Variants in LIMK2 observed in about 807,000 individuals in gnomAD.
LIMK2 encodes the protein LIM domain kinase 2.
Under a neutral mutation model 75.7 loss-of-function variants are expected in LIMK2, and 35 were observed. That is an observed-to-expected ratio of 0.46 (90% CI 0.35 to 0.61). LIMK2 has a LOEUF of 0.61. Among genes scored for constraint, LIMK2 ranks in the 20% least tolerant of loss-of-function variants. LIMK2 has a pLI of 0.00. For synonymous variants in LIMK2, 301 were observed against 319.2 expected, an observed-to-expected ratio of 0.94 and a Z score of 0.61; for missense variants, 623 against 831.0, an observed-to-expected ratio of 0.75 and a Z score of 3.08.
At chr22:31,229,923 T>G (rs1157606944) in intron 2 of LIMK2, 1 of 152,252 alleles carries the variant, frequency 6.6e-6, no homozygotes, top group Non-Finnish European at 1.5e-5. Context: ...GTAATTGTGC[T>G]GGTGCGATTA....
In LIMK2 at chr22:31,267,893, T is replaced by C. The variant is rs1178302472; in HGVS notation, c.1246T>C (p.Phe416Leu). 3 of 1,603,002 alleles carry C rather than the reference T, an allele frequency of 1.9e-6. No individual in the cohort carries two copies. Among genetic ancestry groups the C allele is most frequent in the East Asian group, 4.5e-5 (2 of 44,856 alleles). Residue 416 changes from phenylalanine to leucine, a missense_variant, in exon 10 of 16, where the codon TTT becomes CTT. Coordinates refer to ENST00000331728, the MANE Select transcript of LIMK2 (RefSeq NM_005569.4). ...CATTGAGGGGGGCACACTGAAGGAC[T>C]TTCTGCGCAGTATGGTGAGCACACC... ...EYIEGGTLKD[F>L]LRSMDPFPWQ...
In LIMK2 at chr22:31,275,246, A is replaced by C. The variant is rs546325857; in HGVS notation, c.1710A>C (p.Thr570=). ...TTTTCTGGGAGAAGTTTGTTCCCAC[A>C]GATTGTCCCCCGGCCTTCTTCCCGC... ...VKLFWEKFVP[T]DCPPAFFPLA... The change falls in exon 15 of 16, where the codon ACA becomes ACC. Residue 570 remains threonine (T), a synonymous_variant. Transcript: ENST00000331728. 1.2e-6 allele frequency: 2 copies of C among 1,614,236 alleles called. No individual in the cohort carries two copies. Among genetic ancestry groups the C allele is most frequent in the South Asian group, 2.2e-5 (2 of 91,086 alleles).
chr22:31,234,370 G>A (rs1168937922), intron 2 of LIMK2, among the ~76,000 whole-genome samples: 2 of 150,686 alleles, frequency 1.3e-5, no homozygotes, highest in East Asian at 4.0e-4. Context: ...GTCACTCTGT[G>A]TTGTCTCTCC....
At chr22:31,226,264 G>A (rs367586313) in intron 2 of LIMK2, among the ~76,000 whole-genome samples, 1 of 151,828 alleles carries the variant, frequency 6.6e-6, no homozygotes, top group Non-Finnish European at 1.5e-5. Flanking sequence ...GTGCAGTGGT[G>A]CAATCTCGGC....
chr22:31,222,372 CTTTTT>C (rs3068235), intron 1 of LIMK2, among the ~76,000 whole-genome samples: 22 of 55,198 alleles, frequency 4.0e-4, no homozygotes, highest in Non-Finnish European at 2.6e-4. Flanking sequence ...TGCCCAGCCT[CTTTTT>C]TTTTTTTTTT....
intron 2 of LIMK2, among the ~76,000 whole-genome samples, chr22:31,232,527 T>C (rs2048538076): frequency 6.6e-6 from 1 of 152,200 alleles, no homozygotes; most frequent in African/African-American, 2.4e-5. Flanking sequence ...CAAGCGTCAT[T>C]TGCTATATAT....
At chr22:31,217,077 G>A (rs2048394423) in intron 1 of LIMK2, among the ~76,000 whole-genome samples, 1 of 151,970 alleles carries the variant, frequency 6.6e-6, no homozygotes, top group African/African-American at 2.4e-5. Flanking sequence ...AATTTGTTTT[G>A]TCCAGGAAAG....
chr22:31,213,244 TGCAG>T, intron 1 of LIMK2, among the ~76,000 whole-genome samples: 1 of 152,152 alleles, frequency 6.6e-6, no homozygotes, highest in African/African-American at 2.4e-5. Context: ...TAGTTGCACC[TGCAG>T]TCACCTCCCC....
At position 31,225,727 on chromosome 22, in the gene LIMK2, T is replaced by A. The variant is rs148900540; in HGVS notation, c.24T>A (p.Asp8Glu). ...TCTTGGTTTTGTGTGCAGGTGAAGA[T>A]GTCTGGAGGTGTCCAGGCTGTGGGG... MSALAGE[D>E]VWRCPGCGDH... is the part of the protein sequence containing the mutation. Residue 8 changes from aspartate to glutamate, a missense_variant, in exon 2 of 16, where the codon GAT becomes GAA. By Grantham distance (45) the Asp-to-Glu change is conservative. This residue lies in a region of LIMK2 where 514 missense variants were observed against 661.3 expected (regional missense o/e 0.78). Transcript: ENST00000331728. The A allele has an allele frequency of 1.4e-5, 23 of 1,613,728 alleles. No individual in the cohort carries two copies. Among genetic ancestry groups the A allele is most frequent in the Non-Finnish European group, 1.9e-5 (23 of 1,179,836 alleles).
intron 1 of LIMK2, among the ~76,000 whole-genome samples, 186 bp downstream of exon 1, chr22:31,212,610 C>T (rs1312912733): frequency 6.6e-6 from 1 of 151,760 alleles, no homozygotes; most frequent in Non-Finnish European, 1.5e-5. Context: ...GGTGGGACTC[C>T]GGGAATGGGG....
chr22:31,268,354 C>G (rs1201204007), intron 11 of LIMK2, among the ~76,000 whole-genome samples, 154 bp downstream of exon 11: 6 of 152,302 alleles, frequency 3.9e-5, no homozygotes, highest in African/African-American at 1.4e-4. Flanking sequence ...CTGAAACTGA[C>G]CCCAGCCAAC....
intron 2 of LIMK2, among the ~76,000 whole-genome samples, chr22:31,249,090 C>G (rs546136725): frequency 2.6e-5 from 4 of 152,300 alleles, no homozygotes; most frequent in African/African-American, 7.2e-5. Flanking sequence ...GGGGGAATAG[C>G]CCAAATAGAG....
At chr22:31,251,495 C>T (rs1339678506) in intron 2 of LIMK2, among the ~76,000 whole-genome samples, 1 of 152,176 alleles carries the variant, frequency 6.6e-6, no homozygotes, top group East Asian at 1.9e-4. Context: ...CACACAAGCT[C>T]TTTTCCATTA....
intron 1 of LIMK2, among the ~76,000 whole-genome samples, chr22:31,221,836 CTT>C (rs566200660): frequency 1.3e-5 from 2 of 152,226 alleles, no homozygotes; most frequent in East Asian, 1.9e-4. Flanking sequence ...TAATCTCTCT[CTT>C]GTTTGCTCCT....
chr22:31,276,792 C>A lies in LIMK2; in HGVS notation c.1772+1484C>A, dbSNP rs371660726. 6.6e-5 allele frequency: 106 copies of A among 1,608,054 alleles called. No individual in the cohort carries two copies. In the South Asian group the frequency reaches 8.0e-4, roughly 12 times the overall value. ...AGGACCACGCATCTACTTTCAGAGCCCCCCCCGGGGCCGCAGGAGAGGGCC... is the reference window on the plus strand; with the variant it reads ...AGGACCACGCATCTACTTTCAGAGCACCCCCCGGGGCCGCAGGAGAGGGCC... On this transcript the variant is annotated intron_variant, in intron 15 of 15. Transcript: ENST00000331728.
At chr22:31,277,435 G>A in intron 15 of LIMK2, 4 of 1,142,836 alleles carry the variant, frequency 3.5e-6, no homozygotes, top group Non-Finnish European at 4.3e-6. Context: ...AAAAAAAAAT[G>A]ATTTCCAGCG....
intron 10 of LIMK2, 68 bp from the exon 11 acceptor site, chr22:31,268,076 C>A: frequency 1.3e-6 from 2 of 1,541,294 alleles, no homozygotes; most frequent in Non-Finnish European, 1.8e-6. Context: ...ACCACATTGA[C>A]CCATGGGGCC....
At chr22:31,264,324 G>A (rs558895739) in intron 7 of LIMK2, among the ~76,000 whole-genome samples, 1 of 152,312 alleles carries the variant, frequency 6.6e-6, no homozygotes, top group South Asian at 2.1e-4. Flanking sequence ...ACAAGGGTAA[G>A]TAAACCTGTA....
chr22:31,273,032 T>C, intron 13 of LIMK2: 7 of 1,136,740 alleles, frequency 6.2e-6, no homozygotes, highest in African/African-American at 1.6e-5. Flanking sequence ...CTCTGGTGGA[T>C]AATGCTCAAA....
Sources: allele counts gnomAD v4.1 joint callset (sites outside exome capture counted in the v4.1 genomes callset), GRCh38; gene constraint gnomAD v4.1.1; regional missense constraint gnomAD v4.1.1; transcripts MANE v1.5; gene names NCBI Gene and HGNC (gene_info 2026-07-23, HGNC 2026-07-21).